The following MTMR4 variants were observed in gnomAD, a reference collection of about 807,000 sequenced individuals.
MTMR4 encodes the protein myotubularin related protein 4, also known as phosphatidylinositol-3,5-bisphosphate 3-phosphatase MTMR4.
MTMR4 carries 30 observed loss-of-function variants against 125.5 expected under a neutral mutation model. That is an observed-to-expected ratio of 0.24 (90% confidence interval 0.18 to 0.32). MTMR4 has a LOEUF of 0.32. MTMR4 is among the 10% of genes least tolerant of loss of function. The pLI is 1.00. For synonymous variants in MTMR4, 498 were observed against 564.5 expected (o/e 0.88, Z 1.67); for missense variants, 1,039 against 1,511.5 (o/e 0.69, Z 5.18).
At chr17:58,497,972 A>G (rs1310236469) in intron 14 of MTMR4, among the ~76,000 whole-genome samples, 2 of 152,226 alleles carry the variant, frequency 1.3e-5, no homozygotes, top group Non-Finnish European at 2.9e-5. Flanking sequence ...TCATGCCTAT[A>G]ATCTCAACAC....
At chr17:58,496,391 G>T in intron 14 of MTMR4, 61 bp from the exon 15 acceptor site, 2 of 1,364,556 alleles carry the variant, frequency 1.5e-6, no homozygotes. Context: ...ACAATATATG[G>T]AACTGAATCA....
intron 4 of MTMR4, among the ~76,000 whole-genome samples, chr17:58,510,052 A>G (rs955753829): frequency 1.3e-5 from 2 of 152,308 alleles, no homozygotes; most frequent in East Asian, 3.9e-4. Flanking sequence ...GGTAACTGCA[A>G]TAGCTTCCTA....
chr17:58,515,268 G>A (rs2143945800), upstream of MTMR4, among the ~76,000 whole-genome samples: 1 of 152,268 alleles, frequency 6.6e-6, no homozygotes, highest in South Asian at 2.1e-4. Context: ...ACAAAAAAAC[G>A]AAACTTGAAA....
At chr17:58,511,191 T>C (rs1975920366) in intron 4 of MTMR4, 2 of 410,444 alleles carry the variant, frequency 4.9e-6, no homozygotes, top group Non-Finnish European at 8.7e-6. Flanking sequence ...CACATACACA[T>C]TATCTCACTT....
At chr17:58,515,256 A>G (rs1976056791), upstream of MTMR4, among the ~76,000 whole-genome samples, 1 of 152,186 alleles carries the variant, frequency 6.6e-6, no homozygotes, top group South Asian at 2.1e-4. Flanking sequence ...CACAGAAGCT[A>G]TACAAAAAAA....
At position 58,504,839 on chromosome 17, in the gene MTMR4, G is replaced by A. The variant is rs1278219963; in HGVS notation, c.1281C>T (p.Arg427=). The change falls in exon 11 of 18, where the codon CGC becomes CGT. Residue 427 remains arginine, a synonymous_variant. Transcript: ENST00000682306. The surrounding 1 kb of genome is among the most constrained non-coding windows in gnomAD (Gnocchi z 7.1). Reference sequence around the variant, plus strand: ...TGGCCAGGGCTACGATCTGCGGTGTGCGGTCCCAGCCATCTGAGCAGTGTA... The same window carrying A: ...TGGCCAGGGCTACGATCTGCGGTGTACGGTCCCAGCCATCTGAGCAGTGTA... ...VLVHCSDGWD[R]TPQIVALAKI... is the part of the protein sequence containing the mutation. The A allele has an allele frequency of 2.2e-5, 36 of 1,614,062 alleles. No homozygotes were observed. Among genetic ancestry groups the A allele is most frequent in the Non-Finnish European group, 2.8e-5 (33 of 1,180,028 alleles).
chr17:58,495,593 A>C lies in MTMR4; in HGVS notation c.2591T>G (p.Leu864Arg), dbSNP rs1051864636. 1.2e-6 allele frequency: 2 copies of C among 1,614,134 alleles called. No homozygotes were observed. Among genetic ancestry groups the C allele is most frequent in the Non-Finnish European group, 1.7e-6 (2 of 1,180,022 alleles). ...ATGGGTCAGATCCGGCACAGAACTC[A>C]GTTGTTCCTGGTGGGAGATACTTGC... The part of the protein sequence containing the change: ...SVASISHQEQ[L>R]SSVPDLTHGE... Residue 864 changes from leucine to arginine, a missense_variant, in exon 15 of 18, where the codon CTG becomes CGG. Coordinates refer to ENST00000682306, the MANE Select transcript of MTMR4 (RefSeq NM_001378067.1).
intron 14 of MTMR4, among the ~76,000 whole-genome samples, chr17:58,501,888 G>A (rs999556744): frequency 4.6e-5 from 7 of 151,556 alleles, no homozygotes; most frequent in Admixed American, 6.6e-5. Context: ...GTAAAACCCC[G>A]TCTCTACTAC....
chr17:58,513,650 G>A (rs1176077345), intron 1 of MTMR4, among the ~76,000 whole-genome samples: 1 of 152,006 alleles, frequency 6.6e-6, no homozygotes, highest in Non-Finnish European at 1.5e-5. Context: ...GGACCCGGGG[G>A]GATCCACGCG....
chr17:58,509,360 T>C (rs998896340), intron 4 of MTMR4, among the ~76,000 whole-genome samples: 3 of 151,470 alleles, frequency 2.0e-5, no homozygotes, highest in Non-Finnish European at 4.4e-5. Context: ...CCTACTCTAT[T>C]CCAGAAACTC....
At chr17:58,507,844 T>TAAGCCAGATTTTGTCTGC (rs1340942343) in intron 7 of MTMR4, 1 of 242,040 alleles carries the variant, frequency 4.1e-6, no homozygotes, top group Non-Finnish European at 8.1e-6. Context: ...TAATAGGCTA[T>TAAGCCAGATTTTGTCTGC]AAGCCAGATT....
intron 4 of MTMR4, among the ~76,000 whole-genome samples, chr17:58,509,354 C>T (rs1012586492): frequency 1.3e-5 from 2 of 151,228 alleles, no homozygotes; most frequent in African/African-American, 4.9e-5. Context: ...TCCCAGCCTA[C>T]TCTATTCCAG....
rs956399443 is a variant in MTMR4 at position 58,489,883 on chromosome 17, T to C, written c.*1780A>G. On this transcript the variant is annotated 3_prime_UTR_variant, in exon 18 of 18. Transcript: ENST00000682306. ...GCCACTCACAACTGGCAGTAAATTT[T>C]AATGATTGATAAAATGCTTAAAATA... 6.6e-6 allele frequency: 1 copy of C among 152,656 alleles called. No homozygotes were observed. The highest frequency in any genetic ancestry group is 2.1e-4 in the South Asian group (1 of 4,832). 9.5% of individuals were successfully genotyped at this position (152,656 alleles called of 1,614,324 possible).
At position 58,504,545 on chromosome 17, in the gene MTMR4, C is replaced by T; in HGVS notation, c.1342-57G>A. 2 of 1,575,930 alleles carry T rather than the reference C, an allele frequency of 1.3e-6. No homozygotes were observed. The highest frequency in any genetic ancestry group is 1.7e-6 in the Non-Finnish European group (2 of 1,157,744). The stretch of plus-strand genomic sequence containing the variant: ...CCTCTCTGGAAATGCTGATGTGCTA[C>T]TCCCCTGGGAACTGCCCAAAGCAGG... On this transcript the variant is annotated intron_variant, in intron 11 of 17. Transcript: ENST00000682306. The surrounding 1 kb of genome is among the most constrained non-coding windows in gnomAD (Gnocchi z 7.1).
At chr17:58,494,670 T>C (rs1458122676) in intron 15 of MTMR4, among the ~76,000 whole-genome samples, 1 of 152,226 alleles carries the variant, frequency 6.6e-6, no homozygotes, top group Non-Finnish European at 1.5e-5. Context: ...GTATCACACA[T>C]TCTTCAGCAC....
chr17:58,517,403 A>G (rs2042031870), upstream of MTMR4, among the ~76,000 whole-genome samples: 1 of 152,212 alleles, frequency 6.6e-6, no homozygotes, highest in African/African-American at 2.4e-5. Context: ...GCCCTGCGGG[A>G]GGCTGCGGGG....
At chr17:58,501,629 C>T (rs1280915835) in intron 14 of MTMR4, among the ~76,000 whole-genome samples, 1 of 149,798 alleles carries the variant, frequency 6.7e-6, no homozygotes, top group Admixed American at 6.7e-5. Flanking sequence ...TATGTATATA[C>T]GTATACATGT....
At position 58,514,537 on chromosome 17, in the gene MTMR4, C is replaced by G; in HGVS notation, c.-130G>C. 3.0e-6 allele frequency: 3 copies of G among 985,154 alleles called. No homozygotes were observed. The African/African-American group carries it at 5.2e-5, about 17-fold the overall frequency. 61.0% of individuals were successfully genotyped at this position (985,154 alleles called of 1,614,324 possible). ...CCGCGGCGGCCAAGAGGCTAGGGCGCTGGTGGCCGGGCCTCCGCGCGGCTC... is the reference window on the plus strand; with the variant it reads ...CCGCGGCGGCCAAGAGGCTAGGGCGGTGGTGGCCGGGCCTCCGCGCGGCTC... On this transcript the variant is annotated 5_prime_UTR_variant, in exon 1 of 18. Coordinates refer to ENST00000682306, the MANE Select transcript of MTMR4 (RefSeq NM_001378067.1).
chr17:58,508,185 T>G lies in MTMR4; in HGVS notation c.683A>C (p.Lys228Thr). 6.2e-7 allele frequency: 1 copy of G among 1,613,786 alleles called. No individual in the cohort carries two copies. Among genetic ancestry groups the G allele is most frequent in the Non-Finnish European group, 8.5e-7 (1 of 1,179,994 alleles). Residue 228 changes from lysine to threonine, a missense_variant, in exon 7 of 18, where the codon AAG becomes ACG. By Grantham distance (78) the Lys-to-Thr change is moderately conservative. This residue lies in a region of MTMR4 where 202 missense variants were observed against 311.9 expected (regional missense o/e 0.65). Coordinates refer to ENST00000682306, the MANE Select transcript of MTMR4 (RefSeq NM_001378067.1). This position sits in a 1 kb window ranked among gnomAD's most constrained non-coding sequence, Gnocchi z 4.8. ...CCTATACACAACCACGGGAATCCGCTTCCAGGAGCGGAAGGAAGCCACGTT... is the reference window on the plus strand; with the variant it reads ...CCTATACACAACCACGGGAATCCGCGTCCAGGAGCGGAAGGAAGCCACGTT... ...LENVASFRSW[K>T]RIPVVVYRHL...
Sources: allele counts gnomAD v4.1 joint callset (sites outside exome capture counted in the v4.1 genomes callset), GRCh38; gene constraint gnomAD v4.1.1; regional missense constraint gnomAD v4.1.1; non-coding constraint Gnocchi (gnomAD v3.1); transcripts MANE v1.5; gene names NCBI Gene and HGNC (gene_info 2026-07-23, HGNC 2026-07-21).